Variants in OR7A5 observed in about 807,000 individuals in gnomAD.
The protein encoded by OR7A5 is olfactory receptor 7A5.
For synonymous variants in OR7A5, 140 were observed against 146.7 expected (o/e 0.95, Z 0.33); for missense variants, 319 against 377.9 (o/e 0.84, Z 1.29).
At chr19:14,834,563 G>T (rs796571277) in intron 1 of OR7A5, among the ~76,000 whole-genome samples, 6 of 152,232 alleles carry the variant, frequency 3.9e-5, no homozygotes, top group Middle Eastern at 3.4e-3. Context: ...AATACCTAGC[G>T]TAAGAGAAAA....
rs752369539 is a variant in OR7A5 at position 14,827,331 on chromosome 19, T to C, written c.911A>G (p.His304Arg). ...NKDIKRALGI[H>R]LLWGTMKGQF... ...CCCTTTCATTGTTCCCCACAACAAA[T>C]GTATTCCCAGAGCCCTCTTTATGTC... The change falls in exon 2 of 2, where the codon CAT (histidine) becomes CGT (arginine). Residue 304 changes from histidine to arginine, a missense_variant. Coordinates refer to ENST00000322301, the MANE Select transcript of OR7A5 (RefSeq NM_017506.2). 4 of 1,584,896 alleles carry C rather than the reference T, an allele frequency of 2.5e-6. No individual in the cohort carries two copies. In the Admixed American group the frequency reaches 5.6e-5, roughly 22 times the overall value.
Position 14,827,251 on chromosome 19 carries a change from G to A in OR7A5, c.*31C>T. The A allele has an allele frequency of 4.7e-6, 7 of 1,503,678 alleles. No homozygotes were observed. Among genetic ancestry groups the A allele is most frequent in the Non-Finnish European group, 6.2e-6 (7 of 1,128,972 alleles). The allele number at this position is 1,503,678 out of a possible 1,614,324, so 93.1% of individuals were successfully genotyped here. ...TCCACTATCTGATTGAAGAATGACA[G>A]TTACTACCTCTGAAGCTTAGAGCCC... On this transcript the variant is annotated 3_prime_UTR_variant, in exon 2 of 2. Transcript: ENST00000322301.
At chr19:14,833,316 C>CA (rs1309999558) in intron 1 of OR7A5, among the ~76,000 whole-genome samples, 1 of 152,108 alleles carries the variant, frequency 6.6e-6, no homozygotes, top group African/African-American at 2.4e-5. Flanking sequence ...CCATCTCTAC[C>CA]AAAAATACAA....
intron 1 of OR7A5, among the ~76,000 whole-genome samples, chr19:14,831,667 TCTC>T (rs2044834056): frequency 6.6e-6 from 1 of 151,992 alleles, no homozygotes; most frequent in African/African-American, 2.4e-5. Context: ...ATGGTCTCGA[TCTC>T]CTGACCTCGT....
rs1241486981 is a variant in OR7A5, at chr19:14,827,439, G to A, written c.803C>T (p.Ser268Leu). 1 of 1,614,054 alleles carries A rather than the reference G, an allele frequency of 6.2e-7. No homozygotes were observed. The change falls in exon 2 of 2, where the codon TCA becomes TTA. Residue 268 changes from serine (S) to leucine (L), a missense_variant. By Grantham distance (145) the Ser-to-Leu change is moderately radical. Transcript: ENST00000322301. ...VYLSSAATRN[S>L]HSSATASVMY... Reference sequence around the variant, plus strand: ...CACTGAGGCTGTTGCACTTGAGTGTGAGTTGCGGGTGGCAGCAGAACTAAG... The same window carrying A: ...CACTGAGGCTGTTGCACTTGAGTGTAAGTTGCGGGTGGCAGCAGAACTAAG...
chr19:14,827,412 A>G lies in OR7A5; in HGVS notation c.830T>C (p.Met277Thr). ...CAGCATGGGGGTGACCACAGTGTAC[A>G]TCACTGAGGCTGTTGCACTTGAGTG... ...NSHSSATASV[M>T]YTVVTPMLNP... Residue 277 changes from methionine to threonine, a missense_variant, in exon 2 of 2, where the codon ATG becomes ACG. Met to Thr is a moderately conservative substitution (Grantham distance 81). Coordinates refer to ENST00000322301, the MANE Select transcript of OR7A5 (RefSeq NM_017506.2). 2 of 1,614,134 alleles carry G rather than the reference A, an allele frequency of 1.2e-6. No homozygotes were observed. Among genetic ancestry groups the G allele is most frequent in the Non-Finnish European group, 1.7e-6 (2 of 1,179,996 alleles).
rs992168369 is a variant in OR7A5 at position 14,826,446 on chromosome 19, A to G, written c.*836T>C. 6 of 152,220 alleles carry G rather than the reference A, an allele frequency of 3.9e-5. No individual in the cohort carries two copies. The highest frequency in any genetic ancestry group is 1.4e-4 in the African/African-American group (6 of 41,456). The allele number at this position is 152,220 out of a possible 1,614,324, so 9.4% of individuals were successfully genotyped here. Reference sequence around the variant, plus strand: ...GCACTAAAAATTTTGAAGCAAAAACAGAAGTATGGATGCATGAAACATTAT... The same window carrying G: ...GCACTAAAAATTTTGAAGCAAAAACGGAAGTATGGATGCATGAAACATTAT... On this transcript the variant is annotated 3_prime_UTR_variant, in exon 2 of 2. Transcript: ENST00000322301.
In OR7A5 at chr19:14,827,570, G is replaced by A. The variant is rs1688142785; in HGVS notation, c.672C>T (p.Ser224=). The A allele has an allele frequency of 6.2e-7, 1 of 1,614,108 alleles. No homozygotes were observed. Among genetic ancestry groups the A allele is most frequent in the Non-Finnish European group, 8.5e-7 (1 of 1,180,016 alleles). Residue 224 remains serine, a synonymous_variant, in exon 2 of 2, where the codon TCC becomes TCT. Coordinates refer to ENST00000322301, the MANE Select transcript of OR7A5 (RefSeq NM_017506.2). ...ILYSYSKIIS[S]IHAISSAQGK... ...CCTGAGCTGATGAGATTGCATGTAT[G>A]GAAGAAATTATCTTAGAGTAAGAGT...
rs1352877287 is a variant in OR7A5, at chr19:14,827,539, A to G, written c.703T>C (p.Tyr235His). The change falls in exon 2 of 2, where the codon TAC becomes CAC. Residue 235 changes from tyrosine (Y) to histidine (H), a missense_variant. Physicochemically the swap from Tyr to His is moderately conservative, Grantham distance 83 (BLOSUM62 2). Coordinates refer to ENST00000322301, the MANE Select transcript of OR7A5 (RefSeq NM_017506.2). ...IHAISSAQGK[Y>H]KAFSTCASHL... is the part of the protein sequence containing the mutation. ...GATGCACAGGTGGAAAATGCCTTGT[A>G]CTTCCCCTGAGCTGATGAGATTGCA... 1 of 1,614,162 alleles carries G rather than the reference A, an allele frequency of 6.2e-7. No individual in the cohort carries two copies.
intron 1 of OR7A5, among the ~76,000 whole-genome samples, chr19:14,829,306 C>T (rs1459001363): frequency 3.3e-5 from 5 of 152,202 alleles, no homozygotes; most frequent in East Asian, 1.9e-4. Context: ...CAGGTTCAAG[C>T]GATTCTCCTG....
intron 1 of OR7A5, among the ~76,000 whole-genome samples, chr19:14,829,985 C>T (rs2044815186): frequency 6.6e-6 from 1 of 152,196 alleles, no homozygotes; most frequent in Non-Finnish European, 1.5e-5. Flanking sequence ...GCCTCAGCCT[C>T]CCAAGTAGTT....
chr19:14,827,266 G>A lies in OR7A5; in HGVS notation c.*16C>T. 1 of 1,527,752 alleles carries A rather than the reference G, an allele frequency of 6.5e-7. No homozygotes were observed. Among genetic ancestry groups the A allele is most frequent in the Non-Finnish European group, 8.8e-7 (1 of 1,142,128 alleles). The allele number at this position is 1,527,752 out of a possible 1,614,324, so 94.6% of individuals were successfully genotyped here. ...AAGAATGACAGTTACTACCTCTGAAGCTTAGAGCCCTGCAATCATGGGCAC... is the reference window on the plus strand; with the variant it reads ...AAGAATGACAGTTACTACCTCTGAAACTTAGAGCCCTGCAATCATGGGCAC... On this transcript the variant is annotated 3_prime_UTR_variant, in exon 2 of 2. Coordinates refer to ENST00000322301, the MANE Select transcript of OR7A5 (RefSeq NM_017506.2).
chr19:14,827,564 A>G lies in OR7A5; in HGVS notation c.678T>C (p.His226=). The G allele has an allele frequency of 6.2e-7, 1 of 1,614,192 alleles. No individual in the cohort carries two copies. Among genetic ancestry groups the G allele is most frequent in the Non-Finnish European group, 8.5e-7 (1 of 1,180,038 alleles). Residue 226 remains histidine, a synonymous_variant, in exon 2 of 2, where the codon CAT becomes CAC. Transcript: ENST00000322301. ...ACTTCCCCTGAGCTGATGAGATTGCATGTATGGAAGAAATTATCTTAGAGT... is the reference window on the plus strand; with the variant it reads ...ACTTCCCCTGAGCTGATGAGATTGCGTGTATGGAAGAAATTATCTTAGAGT... ...YSYSKIISSI[H]AISSAQGKYK...
At position 14,827,960 on chromosome 19, in the gene OR7A5, G is replaced by T; in HGVS notation, c.282C>A (p.Tyr94Ter). 4 of 1,614,226 alleles carry T rather than the reference G, an allele frequency of 2.5e-6. No homozygotes were observed. Among genetic ancestry groups the T allele is most frequent in the Middle Eastern group, 1.6e-4 (1 of 6,062 alleles). Residue 94 changes from tyrosine to a stop codon, truncating the protein, a stop_gained, in exon 2 of 2, where the codon TAC becomes TAA. Coordinates refer to ENST00000322301, the MANE Select transcript of OR7A5 (RefSeq NM_017506.2). LOFTEE classifies it low-confidence loss of function (END_TRUNC). ...AATACATCTGCATGAGGCAGGCTAT[G>T]TAGGTGATGACTTTGTTCTGTGTCT... ...NIQTQNKVITYIACLMQMYFF... is the reference protein window; with the variant it reads ...NIQTQNKVIT
intron 1 of OR7A5, among the ~76,000 whole-genome samples, 198 bp from the exon 2 acceptor site, chr19:14,828,452 C>T (rs576383780): frequency 1.3e-5 from 2 of 152,250 alleles, no homozygotes; most frequent in African/African-American, 4.8e-5. Context: ...AGACAGCGTA[C>T]ATTCTGCAGT....
intron 1 of OR7A5, among the ~76,000 whole-genome samples, chr19:14,832,372 T>C (rs1239399985): frequency 6.6e-6 from 1 of 151,718 alleles, no homozygotes; most frequent in Non-Finnish European, 1.5e-5. Flanking sequence ...TGTATTTTTT[T>C]CCCTCCTTCC....
intron 1 of OR7A5, among the ~76,000 whole-genome samples, chr19:14,829,687 C>G (rs8101838): frequency 0.48 from 73,442 of 152,072 alleles, 18,665 homozygotes; most frequent in East Asian, 0.7. Context: ...ACTTTATTAA[C>G]TGGACTAGAA....
rs112284734 is a variant in OR7A5 at position 14,827,436 on chromosome 19, T to G, written c.806A>C (p.His269Pro). ...YLSSAATRNSHSSATASVMYT... is the reference protein window; with the variant it reads ...YLSSAATRNSPSSATASVMYT... Reference sequence around the variant, plus strand: ...CATCACTGAGGCTGTTGCACTTGAGTGTGAGTTGCGGGTGGCAGCAGAACT... The same window carrying G: ...CATCACTGAGGCTGTTGCACTTGAGGGTGAGTTGCGGGTGGCAGCAGAACT... The change falls in exon 2 of 2, where the codon CAC (histidine) becomes CCC (proline). Residue 269 changes from histidine (H) to proline (P), a missense_variant. Physicochemically the swap from His to Pro is moderately conservative, Grantham distance 77. Transcript: ENST00000322301. 3 of 1,600,588 alleles carry G rather than the reference T, an allele frequency of 1.9e-6. No homozygotes were observed. The highest frequency in any genetic ancestry group is 2.7e-5 in the African/African-American group (2 of 74,376).
intron 1 of OR7A5, among the ~76,000 whole-genome samples, chr19:14,830,916 T>G (rs1387962539): frequency 6.6e-6 from 1 of 152,184 alleles, no homozygotes; most frequent in Non-Finnish European, 1.5e-5. Context: ...GCAAGTTAGC[T>G]CACTGCAACC....
Sources: gnomAD v4.1 joint callset for allele counts (sites outside exome capture counted in the v4.1 genomes callset) on GRCh38, gnomAD v4.1.1 for gene constraint, MANE v1.5 for transcripts, NCBI Gene and HGNC (gene_info 2026-07-23, HGNC 2026-07-21) for gene names.